SBF2: variants seen among roughly 807,000 people sequenced by gnomAD.
The protein encoded by SBF2 is SET binding factor 2.
A neutral mutation model predicts 225.2 loss-of-function variants in SBF2; 112 were observed. That is an observed-to-expected ratio of 0.50 (90% CI 0.43 to 0.58). The LOEUF (loss-of-function observed/expected upper bound fraction) is 0.58, where lower values mean the gene tolerates loss of function less well. Among genes scored for constraint, SBF2 ranks in the 20% least tolerant of loss-of-function variants. The pLI, the probability that SBF2 is intolerant of heterozygous loss-of-function variation, is 0.00. For synonymous variants in SBF2, 763 were observed against 773.3 expected, an observed-to-expected ratio of 0.99 and a Z score of 0.22; for missense variants, 1,996 against 2,206.2, an observed-to-expected ratio of 0.90 and a Z score of 1.91.
intron 1 of SBF2, among the ~76,000 whole-genome samples, chr11:10,230,057 C>G (rs1166867579): frequency 1.3e-5 from 2 of 152,128 alleles, no homozygotes; most frequent in Non-Finnish European, 2.9e-5. Flanking sequence ...GATCCCTTTA[C>G]CATTATGTAA....
rs140459015 is a variant in SBF2, at chr11:10,254,495, T to C, written c.55+39520A>G. Among the ~76,000 whole-genome samples the C allele has an allele frequency of 7.9e-5, 12 of 152,056 alleles. No homozygotes were observed. In the East Asian group the frequency reaches 1.5e-3, roughly 20 times the overall value. ...AGCGATATATGTGCTCACATGTTCATTGCAGCATTATTCACAGTAGTCAAA... is the reference window on the plus strand; with the variant it reads ...AGCGATATATGTGCTCACATGTTCACTGCAGCATTATTCACAGTAGTCAAA... On this transcript the variant is annotated intron_variant, in intron 1 of 39. Coordinates refer to ENST00000256190, the MANE Select transcript of SBF2 (RefSeq NM_030962.4).
At chr11:10,204,204 G>A (rs1957666262) in intron 1 of SBF2, among the ~76,000 whole-genome samples, 1 of 139,028 alleles carries the variant, frequency 7.2e-6, no homozygotes, top group African/African-American at 2.7e-5. Flanking sequence ...GTACAAGCTA[G>A]AAGACAGTGG....
At chr11:10,093,464 C>T (rs1250661644) in intron 2 of SBF2, among the ~76,000 whole-genome samples, 1 of 151,264 alleles carries the variant, frequency 6.6e-6, no homozygotes, top group African/African-American at 2.4e-5. Flanking sequence ...TTTTATATTA[C>T]CTCTGTAATT....
At chr11:10,296,214 G>A (rs939459505), upstream of SBF2, among the ~76,000 whole-genome samples, 1 of 152,102 alleles carries the variant, frequency 6.6e-6, no homozygotes, top group Non-Finnish European at 1.5e-5. Context: ...ACAGTACAAG[G>A]TTGTAGCATC....
At chr11:9,968,278 T>C in intron 14 of SBF2, 63 bp downstream of exon 14, 4 of 1,446,420 alleles carry the variant, frequency 2.8e-6, no homozygotes, top group Non-Finnish European at 3.9e-6. Context: ...TGCACACTTT[T>C]CCTTTTTGGG....
chr11:9,935,205 T>C (rs967137797), intron 16 of SBF2, among the ~76,000 whole-genome samples: 2 of 152,124 alleles, frequency 1.3e-5, no homozygotes, highest in Non-Finnish European at 2.9e-5. Context: ...CCATTCACAA[T>C]TGCTACTAAG....
At chr11:10,170,448 T>C (rs1956140065) in intron 2 of SBF2, among the ~76,000 whole-genome samples, 1 of 152,132 alleles carries the variant, frequency 6.6e-6, no homozygotes, top group African/African-American at 2.4e-5. Context: ...GATATACAGA[T>C]TTGTCTCTGG....
At chr11:9,891,541 T>TATAA (rs1439135890) in intron 17 of SBF2, among the ~76,000 whole-genome samples, 1 of 152,204 alleles carries the variant, frequency 6.6e-6, no homozygotes, top group East Asian at 1.9e-4. Flanking sequence ...CTGAAACAGA[T>TATAA]ATAAGCACAG....
chr11:10,280,604 C>CA (rs1963339457), intron 1 of SBF2, among the ~76,000 whole-genome samples: 2 of 152,308 alleles, frequency 1.3e-5, no homozygotes, highest in Admixed American at 1.3e-4. Flanking sequence ...TCTTACCTCT[C>CA]AAAATCAGAT....
chr11:9,885,462 C>T (rs1860213321), intron 17 of SBF2, among the ~76,000 whole-genome samples: 1 of 152,048 alleles, frequency 6.6e-6, no homozygotes, highest in African/African-American at 2.4e-5. Context: ...GAACAAAACT[C>T]TTTCAAGTCT....
At chr11:10,096,668 C>T (rs1289935785) in intron 2 of SBF2, among the ~76,000 whole-genome samples, 2 of 152,096 alleles carry the variant, frequency 1.3e-5, no homozygotes, top group Non-Finnish European at 2.9e-5. Flanking sequence ...CTCATACAAG[C>T]GGTGTCTTTT....
intron 1 of SBF2, among the ~76,000 whole-genome samples, chr11:10,277,252 T>TAAACAAAC (rs61700623): frequency 1.9e-4 from 29 of 151,598 alleles, no homozygotes; most frequent in East Asian, 5.8e-4. Context: ...ACTCTGTCTC[T>TAAACAAAC]AAACAAACAA....
At chr11:10,066,148 T>TA (rs907980846) in intron 2 of SBF2, among the ~76,000 whole-genome samples, 1 of 151,946 alleles carries the variant, frequency 6.6e-6, no homozygotes, top group Non-Finnish European at 1.5e-5. Flanking sequence ...GTTTTTTCCT[T>TA]AAAAAAATAA....
intron 17 of SBF2, among the ~76,000 whole-genome samples, chr11:9,863,502 G>A (rs1437735820): frequency 6.6e-6 from 1 of 152,200 alleles, no homozygotes; most frequent in Non-Finnish European, 1.5e-5. Flanking sequence ...TGGAATATAA[G>A]TGTACCTAAC....
intron 16 of SBF2, among the ~76,000 whole-genome samples, chr11:9,897,512 G>A (rs1287113876): frequency 2.0e-5 from 3 of 152,004 alleles, no homozygotes; most frequent in Admixed American, 6.6e-5. Flanking sequence ...CATGCCCGGC[G>A]GATAGATATT....
intron 1 of SBF2, among the ~76,000 whole-genome samples, chr11:10,209,309 GT>G (rs1324349747): frequency 1.1e-4 from 16 of 145,162 alleles, no homozygotes; most frequent in Admixed American, 3.5e-4. Context: ...CCACAAATTT[GT>G]TTTTTTTTTT....
At chr11:9,924,787 C>T (rs1863905362) in intron 16 of SBF2, among the ~76,000 whole-genome samples, 1 of 151,866 alleles carries the variant, frequency 6.6e-6, no homozygotes, top group African/African-American at 2.4e-5. Context: ...CTTGCTCTGT[C>T]ACTCATGCTG....
Position 9,959,198 on chromosome 11 carries a change from A to G in SBF2, c.1860+2759T>C, listed in dbSNP as rs575773922. ...ATTCCTTCACAGGGTCCGATTTGGA[A>G]TTTCCACTGGGCAGGCATGACCTCA... On this transcript the variant is annotated intron_variant, in intron 16 of 39. Coordinates refer to ENST00000256190, the MANE Select transcript of SBF2 (RefSeq NM_030962.4). The G allele has an allele frequency of 2.9e-5, 23 of 787,118 alleles. No individual in the cohort carries two copies. The South Asian group carries it at 3.1e-4, about 11-fold the overall frequency. 48.8% of individuals were successfully genotyped at this position (787,118 alleles called of 1,614,324 possible).
rs34775514 is a variant in SBF2, at chr11:9,849,181, A to AT, written c.2806+841dup. ...TTGAGGGTTGGGCCCAGAAACTGGTATTTTTTTTTAAAGATTCCCAGATAA... is the reference window on the plus strand; with the variant it reads ...TTGAGGGTTGGGCCCAGAAACTGGTATTTTTTTTTTAAAGATTCCCAGATAA... On this transcript the variant is annotated intron_variant, in intron 22 of 39. Coordinates refer to ENST00000256190, the MANE Select transcript of SBF2 (RefSeq NM_030962.4). Among the ~76,000 whole-genome samples the AT allele has an allele frequency of 2.3e-3, 349 of 151,592 alleles. 1 individual carries two copies. The highest frequency in any genetic ancestry group is 7.7e-3 in the African/African-American group (318 of 41,370).
Sources: allele counts gnomAD v4.1 joint callset (sites outside exome capture counted in the v4.1 genomes callset), GRCh38; gene constraint gnomAD v4.1.1; transcripts MANE v1.5; gene names NCBI Gene and HGNC (gene_info 2026-07-23, HGNC 2026-07-21).